The following PARD3B variants were observed in gnomAD, a reference collection of about 807,000 sequenced individuals.
The protein encoded by PARD3B is par-3 family cell polarity regulator beta, also known as partitioning defective 3 homolog B.
In PARD3B, 103 loss-of-function variants were observed where a neutral mutation model predicts 130.2. The ratio of observed to expected loss-of-function variants is 0.79; its 90% CI spans 0.67 to 0.93. PARD3B has a LOEUF of 0.93. Among genes scored for constraint, PARD3B ranks in the 40% least tolerant of loss-of-function variants. The pLI is 0.00. For synonymous variants in PARD3B, 583 were observed against 553.2 expected, an observed-to-expected ratio of 1.05 and a Z score of -0.76; for missense variants, 1,609 against 1,499.2, an observed-to-expected ratio of 1.07 and a Z score of -1.21.
At chr2:205,392,902 T>A (rs2045905932) in intron 18 of PARD3B, among the ~76,000 whole-genome samples, 1 of 152,220 alleles carries the variant, frequency 6.6e-6, no homozygotes, top group South Asian at 2.1e-4. Context: ...ACAAATCTGT[T>A]TATTATTCTA....
chr2:204,706,558 GT>G (rs1275581828), intron 2 of PARD3B, among the ~76,000 whole-genome samples: 1 of 151,964 alleles, frequency 6.6e-6, no homozygotes, highest in Non-Finnish European at 1.5e-5. Context: ...ATGAAATAGC[GT>G]TTTTCTTCAA....
intron 3 of PARD3B, among the ~76,000 whole-genome samples, chr2:205,031,689 C>T (rs536614050): frequency 2.0e-5 from 3 of 152,096 alleles, no homozygotes; most frequent in Admixed American, 6.6e-5. Flanking sequence ...AAATAAATAG[C>T]GTAATGCAGT....
At chr2:204,865,384 C>CA (rs2045367828) in intron 2 of PARD3B, among the ~76,000 whole-genome samples, 1 of 152,166 alleles carries the variant, frequency 6.6e-6, no homozygotes, top group Non-Finnish European at 1.5e-5. Flanking sequence ...CTTCCATATG[C>CA]AAATGCCCAT....
chr2:204,605,622 T>C (rs953688218), intron 1 of PARD3B, among the ~76,000 whole-genome samples: 5 of 152,136 alleles, frequency 3.3e-5, no homozygotes, highest in African/African-American at 1.2e-4. Flanking sequence ...GTTAATATCA[T>C]GAACTCTAGA....
intron 18 of PARD3B, among the ~76,000 whole-genome samples, chr2:205,323,813 G>A (rs916707797): frequency 6.6e-6 from 1 of 152,176 alleles, no homozygotes; most frequent in Non-Finnish European, 1.5e-5. Context: ...TAAGTGCAGT[G>A]TTATGTCTAC....
intron 18 of PARD3B, among the ~76,000 whole-genome samples, chr2:205,344,194 T>TTGTGTTTGTGTGTGTG (rs148707708): frequency 2.5e-4 from 35 of 141,034 alleles, no homozygotes; most frequent in African/African-American, 8.0e-4. Context: ...GTCAGTTGGT[T>TTGTGTTTGTGTGTGTG]TGTGTGTGTG....
intron 19 of PARD3B, among the ~76,000 whole-genome samples, chr2:205,404,906 T>C (rs1365945811): frequency 6.6e-6 from 1 of 152,236 alleles, no homozygotes; most frequent in African/African-American, 2.4e-5. Context: ...ATAATCCTAT[T>C]GAAGTTTTAA....
chr2:205,046,792 G>T (rs970837513), intron 3 of PARD3B, among the ~76,000 whole-genome samples: 1 of 151,998 alleles, frequency 6.6e-6, no homozygotes, highest in Non-Finnish European at 1.5e-5. Context: ...GATTTTTTTT[G>T]AGATGTTTCT....
intron 1 of PARD3B, among the ~76,000 whole-genome samples, chr2:204,626,108 A>G (rs1197817498): frequency 6.6e-6 from 1 of 152,160 alleles, no homozygotes; most frequent in Non-Finnish European, 1.5e-5. Flanking sequence ...GAGTACTTAA[A>G]ATTTGGTAGG....
intron 1 of PARD3B, among the ~76,000 whole-genome samples, chr2:204,662,667 G>C (rs904928090): frequency 1.3e-5 from 2 of 152,104 alleles, no homozygotes; most frequent in African/African-American, 4.8e-5. Flanking sequence ...GTTATTGCTT[G>C]GTTACAGACC....
chr2:204,865,195 C>T (rs2125635700), intron 2 of PARD3B, among the ~76,000 whole-genome samples: 1 of 152,218 alleles, frequency 6.6e-6, no homozygotes, highest in East Asian at 1.9e-4. Context: ...AGTACAACCA[C>T]TATGGAAAAC....
intron 1 of PARD3B, among the ~76,000 whole-genome samples, chr2:204,585,964 T>C (rs2032805602): frequency 6.6e-6 from 1 of 152,198 alleles, no homozygotes; most frequent in Non-Finnish European, 1.5e-5. Context: ...TACTATATCA[T>C]TTAAAAGCAT....
At chr2:205,547,154 T>C (rs1051208088) in intron 21 of PARD3B, among the ~76,000 whole-genome samples, 1 of 152,168 alleles carries the variant, frequency 6.6e-6, no homozygotes, top group East Asian at 1.9e-4. Flanking sequence ...TTACTCTACC[T>C]AGGAGACACT....
intron 22 of PARD3B, among the ~76,000 whole-genome samples, chr2:205,602,292 G>T (rs1463705895): frequency 6.6e-6 from 1 of 152,162 alleles, no homozygotes; most frequent in Admixed American, 6.5e-5. Context: ...ATTTTAATGA[G>T]GATTTTTGCA....
At chr2:204,952,256 G>C (rs934629118) in intron 2 of PARD3B, among the ~76,000 whole-genome samples, 1 of 152,262 alleles carries the variant, frequency 6.6e-6, no homozygotes, top group African/African-American at 2.4e-5. Context: ...TATTTTTATT[G>C]TAATAGCTTT....
intron 18 of PARD3B, among the ~76,000 whole-genome samples, chr2:205,329,404 G>A (rs2043037170): frequency 6.6e-6 from 1 of 152,294 alleles, no homozygotes; most frequent in East Asian, 1.9e-4. Flanking sequence ...TATCACATAT[G>A]GTAAGACATT....
intron 3 of PARD3B, among the ~76,000 whole-genome samples, chr2:205,047,270 A>G (rs1199541138): frequency 6.6e-6 from 1 of 152,146 alleles, no homozygotes; most frequent in Admixed American, 6.6e-5. Context: ...ATACTCACAT[A>G]TATTTTCTAG....
rs2106178953 is a variant in PARD3B, at chr2:205,446,096, C to G, written c.3044+5424C>G. On this transcript the variant is annotated intron_variant, in intron 20 of 22. Coordinates refer to ENST00000406610, the MANE Select transcript of PARD3B (RefSeq NM_001302769.2). This position sits in a 1 kb window ranked among gnomAD's most constrained non-coding sequence, Gnocchi z 4.4. Reference sequence around the variant, plus strand: ...TGGGGCCAGGCAGCAAGGGTGAAAACAGAGGGGAGAGGAAGCATGATGTGT... The same window carrying G: ...TGGGGCCAGGCAGCAAGGGTGAAAAGAGAGGGGAGAGGAAGCATGATGTGT... 6.6e-6 allele frequency among the ~76,000 whole-genome samples: 1 copy of G among 152,136 alleles called. No individual in the cohort carries two copies. The highest frequency in any genetic ancestry group is 1.5e-5 in the Non-Finnish European group (1 of 67,996).
chr2:204,703,880 T>A (rs1157745244), intron 2 of PARD3B, among the ~76,000 whole-genome samples: 2 of 151,542 alleles, frequency 1.3e-5, no homozygotes, highest in East Asian at 3.9e-4. Context: ...TTTCTATAAT[T>A]TTTTTTTAAA....
Sources: allele counts gnomAD v4.1 joint callset (sites outside exome capture counted in the v4.1 genomes callset), GRCh38; gene constraint gnomAD v4.1.1; non-coding constraint Gnocchi (gnomAD v3.1); transcripts MANE v1.5; gene names NCBI Gene and HGNC (gene_info 2026-07-23, HGNC 2026-07-21).